Variants in C3orf49 observed in about 807,000 individuals in gnomAD.
C3orf49 encodes the protein chromosome 3 open reading frame 49.
C3orf49 carries 27 observed loss-of-function variants against 13.3 expected under a neutral mutation model. The observed-to-expected ratio is 2.02, with a 90% CI of 1.49 to 2.79. The LOEUF is 2.79. Ranked by LOEUF, C3orf49 falls within the 30% of genes most tolerant of loss-of-function variation. C3orf49 has a pLI of 0.00. For missense variants in C3orf49, 242 were observed against 134.2 expected, an observed-to-expected ratio of 1.80 and a Z score of -3.97; for synonymous variants, 87 against 47.6, an observed-to-expected ratio of 1.83 and a Z score of -3.40.
intron 6 of C3orf49, among the ~76,000 whole-genome samples, chr3:63,845,319 C>G (rs1701865476): frequency 1.3e-5 from 2 of 152,202 alleles, no homozygotes; most frequent in South Asian, 4.1e-4. Flanking sequence ...TAGTGGCTGA[C>G]AAGTCACTGG....
chr3:63,791,161 G>A, the C3orf49 span, among the ~76,000 whole-genome samples: 1 of 152,292 alleles, frequency 6.6e-6, no homozygotes, highest in East Asian at 1.9e-4. Flanking sequence ...AGAATGGGGT[G>A]CACCACACAA....
chr3:63,825,133 CATCCACCAT>C (rs1701450400), intron 2 of C3orf49, among the ~76,000 whole-genome samples: 2 of 152,136 alleles, frequency 1.3e-5, no homozygotes, highest in African/African-American at 4.8e-5. Flanking sequence ...TCATAACATA[CATCCACCAT>C]ACATCCACCA....
chr3:63,827,483 A>G (rs1701478585), intron 2 of C3orf49, 118 bp from the exon 3 acceptor site: 1 of 572,118 alleles, frequency 1.7e-6, no homozygotes, highest in South Asian at 2.5e-5. Context: ...ACTCTAAAGA[A>G]AAAAAAAGCC....
At chr3:63,808,825 T>A in the C3orf49 span, among the ~76,000 whole-genome samples, 2 of 152,160 alleles carry the variant, frequency 1.3e-5, no homozygotes, top group Non-Finnish European at 2.9e-5. Flanking sequence ...ATGTGATGTA[T>A]CCAGGAAACA....
the C3orf49 span, among the ~76,000 whole-genome samples, chr3:63,810,815 T>C: frequency 6.6e-6 from 1 of 152,200 alleles, no homozygotes. Flanking sequence ...AAGGGGATCA[T>C]AATTTTCCGA....
At chr3:63,809,216 T>C in the C3orf49 span, among the ~76,000 whole-genome samples, 1 of 152,198 alleles carries the variant, frequency 6.6e-6, no homozygotes, top group Non-Finnish European at 1.5e-5. Context: ...TTTTGCTCAT[T>C]GACTTTCCTG....
chr3:63,801,063 AGGAGGAGTTTACCGTCTGCCCT>A, the C3orf49 span, among the ~76,000 whole-genome samples: 121 of 152,304 alleles, frequency 7.9e-4, no homozygotes, highest in African/African-American at 2.8e-3. Flanking sequence ...GTATCTGCCC[AGGAGGAGTTTACCGTCTGCCCT>A]GGGGAAGGGA....
At chr3:63,835,366 T>A (rs747974118) in intron 5 of C3orf49, 5 of 1,613,548 alleles carry the variant, frequency 3.1e-6, no homozygotes, top group Non-Finnish European at 4.2e-6. Flanking sequence ...GATGCTCTAA[T>A]TCTTTTCCCA....
chr3:63,836,360 T>G, intron 5 of C3orf49: 1 of 1,611,820 alleles, frequency 6.2e-7, no homozygotes, highest in Non-Finnish European at 8.5e-7. Flanking sequence ...CATCATATTC[T>G]GTAAGACATA....
At chr3:63,816,769 C>CTTTTTTT (rs543894356), upstream of C3orf49, among the ~76,000 whole-genome samples, 248 of 97,190 alleles carry the variant, frequency 2.6e-3, 1 homozygote, top group Middle Eastern at 0.012. Flanking sequence ...CTTTTCTTTT[C>CTTTTTTT]TTTTTTTTTT....
chr3:63,808,678 T>A, the C3orf49 span, among the ~76,000 whole-genome samples: 5 of 152,320 alleles, frequency 3.3e-5, no homozygotes, highest in African/African-American at 1.2e-4. Context: ...TCTCTTCCAA[T>A]TTAGTTGGTC....
At chr3:63,826,082 G>T (rs1349642296) in intron 2 of C3orf49, among the ~76,000 whole-genome samples, 1 of 152,206 alleles carries the variant, frequency 6.6e-6, no homozygotes, top group Admixed American at 6.5e-5. Context: ...ATCCAGTGGA[G>T]GTTGGAACAC....
the C3orf49 span, among the ~76,000 whole-genome samples, chr3:63,802,120 G>C: frequency 3.3e-5 from 5 of 152,158 alleles, no homozygotes; most frequent in Admixed American, 2.6e-4. Flanking sequence ...CACTTATGTT[G>C]CTCAATGACA....
At chr3:63,841,924 G>T (rs1246455424) in intron 5 of C3orf49, among the ~76,000 whole-genome samples, 1 of 152,118 alleles carries the variant, frequency 6.6e-6, no homozygotes, top group East Asian at 1.9e-4. Flanking sequence ...AAGTCTCCAA[G>T]AAATACCATT....
chr3:63,836,269 T>C (rs1486546477), intron 5 of C3orf49: 2 of 1,603,644 alleles, frequency 1.2e-6, no homozygotes, highest in South Asian at 2.2e-5. Context: ...GTATAAAGGT[T>C]AGTTCCTTTC....
the C3orf49 span, among the ~76,000 whole-genome samples, chr3:63,797,311 T>C: frequency 1.1e-4 from 16 of 152,048 alleles, no homozygotes; most frequent in African/African-American, 3.6e-4. Flanking sequence ...TAAAATCTGG[T>C]AGATGAGTCC....
chr3:63,798,846 T>G, the C3orf49 span, among the ~76,000 whole-genome samples: 1 of 152,154 alleles, frequency 6.6e-6, no homozygotes, highest in Non-Finnish European at 1.5e-5. Flanking sequence ...CAGGAACAAA[T>G]TCTCTTCTGT....
intron 5 of C3orf49, among the ~76,000 whole-genome samples, chr3:63,844,675 G>A (rs768205387): frequency 1.3e-5 from 2 of 152,152 alleles, no homozygotes; most frequent in Admixed American, 6.5e-5. Flanking sequence ...ATAAAAGGGT[G>A]AGTTCAGCTC....
intron 5 of C3orf49, chr3:63,839,835 A>G (rs1701722138): frequency 1.4e-5 from 19 of 1,317,364 alleles, no homozygotes; most frequent in South Asian, 9.5e-5. Flanking sequence ...ACAAATAACC[A>G]GTATCACTGT....
Sources: gnomAD v4.1 joint callset for allele counts (sites outside exome capture counted in the v4.1 genomes callset) on GRCh38, gnomAD v4.1.1 for gene constraint, MANE v1.5 for transcripts, NCBI Gene and HGNC (gene_info 2026-07-23, HGNC 2026-07-21) for gene names.